The following IARS2 variants were observed in gnomAD, a reference collection of about 807,000 sequenced individuals.
IARS2 encodes isoleucine--tRNA ligase, mitochondrial.
IARS2 carries 56 observed loss-of-function variants against 126.3 expected under a neutral mutation model. The ratio of observed to expected loss-of-function variants is 0.44; its 90% CI spans 0.36 to 0.55. The LOEUF is 0.55. IARS2 is among the 20% of genes least tolerant of loss of function. The pLI is 0.00. For synonymous variants in IARS2, 407 were observed against 441.1 expected (o/e 0.92, Z 0.97); for missense variants, 1,127 against 1,245.9 (o/e 0.90, Z 1.44).
chr1:220,125,192 C>T (rs766451598), intron 12 of IARS2, 45 bp from the exon 13 acceptor site: 2 of 1,100,908 alleles, frequency 1.8e-6, no homozygotes, highest in South Asian at 3.1e-5. Context: ...TGTTATTCAT[C>T]ACAATAGTTA....
chr1:220,102,858 C>T, intron 7 of IARS2, 81 bp downstream of exon 7: 2 of 823,348 alleles, frequency 2.4e-6, no homozygotes, highest in Admixed American at 4.1e-5. Flanking sequence ...TTTATTTTAT[C>T]CTGTTTATTA....
chr1:220,114,477 A>G lies in IARS2; in HGVS notation c.1640+3A>G. On this transcript the variant is annotated splice_donor_region_variant and intron_variant, in intron 12 of 22. Transcript: ENST00000366922. ...AAGGATGAATACTTGATCAACAGGT[A>G]GAATGCTTTCTAAAATTTTTTAGTG... The G allele has an allele frequency of 1.3e-6, 2 of 1,589,118 alleles. No homozygotes were observed. The highest frequency in any genetic ancestry group is 1.7e-6 in the Non-Finnish European group (2 of 1,172,576).
intron 11 of IARS2, among the ~76,000 whole-genome samples, chr1:220,113,283 A>ATG (rs1656848339): frequency 6.6e-6 from 1 of 152,216 alleles, no homozygotes; most frequent in Admixed American, 6.5e-5. Context: ...TAAACCAAGT[A>ATG]TGGTATTAAT....
At chr1:220,099,886 G>C (rs979434684) in intron 2 of IARS2, among the ~76,000 whole-genome samples, 1 of 152,072 alleles carries the variant, frequency 6.6e-6, no homozygotes, top group Non-Finnish European at 1.5e-5. Flanking sequence ...TTAAAGGGGG[G>C]AAGGGATGGG....
At chr1:220,143,563 C>CA (rs1657530561) in intron 21 of IARS2, among the ~76,000 whole-genome samples, 1 of 152,028 alleles carries the variant, frequency 6.6e-6, no homozygotes. Context: ...ATTTAGAAGA[C>CA]AGGGGACATA....
intron 17 of IARS2, 64 bp downstream of exon 17, chr1:220,138,107 G>T: frequency 6.5e-7 from 1 of 1,545,716 alleles, no homozygotes; most frequent in Non-Finnish European, 8.9e-7. Flanking sequence ...TTTAAAAAAT[G>T]AGACACATTT....
In IARS2 at chr1:220,136,861, A is replaced by G; in HGVS notation, c.1999A>G (p.Lys667Glu). 1 of 1,612,460 alleles carries G rather than the reference A, an allele frequency of 6.2e-7. No homozygotes were observed. Among genetic ancestry groups the G allele is most frequent in the Non-Finnish European group, 8.5e-7 (1 of 1,178,708 alleles). The change falls in exon 16 of 23, where the codon AAG becomes GAG. Residue 667 changes from lysine (K) to glutamate (E), a missense_variant. Physicochemically the swap from Lys to Glu is moderately conservative, Grantham distance 56 (BLOSUM62 1). Coordinates refer to ENST00000366922, the MANE Select transcript of IARS2 (RefSeq NM_018060.4). ...TGGAGAAAAGGGAGAAAAGATGTCC[A>G]AGTCTCTTGGGAATGTCATTCATCC... is the stretch of plus-strand genomic sequence containing the variant. ...TLGEKGEKMS[K>E]SLGNVIHPDV...
At chr1:220,138,786 G>C (rs890089893) in intron 17 of IARS2, among the ~76,000 whole-genome samples, 2 of 152,030 alleles carry the variant, frequency 1.3e-5, no homozygotes, top group African/African-American at 4.8e-5. Context: ...TCAGTCGTTA[G>C]GCGTAAAATC....
At chr1:220,095,027 A>C (rs1443474826) in intron 1 of IARS2, among the ~76,000 whole-genome samples, 1 of 151,620 alleles carries the variant, frequency 6.6e-6, no homozygotes, top group Non-Finnish European at 1.5e-5. Context: ...GTTGAAGCCC[A>C]CTTCTTGGAT....
At position 220,125,343 on chromosome 1, in the gene IARS2, A is replaced by G. The variant is rs1436717034; in HGVS notation, c.1743+4A>G. 6.3e-7 allele frequency: 1 copy of G among 1,585,296 alleles called. No homozygotes were observed. Among genetic ancestry groups the G allele is most frequent in the Non-Finnish European group, 8.7e-7 (1 of 1,154,100 alleles). On this transcript the variant is annotated splice_donor_region_variant and intron_variant, in intron 13 of 22. Transcript: ENST00000366922. ...TCCAAAAGAAGTCTTATCTGAGGTA[A>G]ATTTCTGTTTGTATTTAACAGCCTT...
At chr1:220,097,868 G>A (rs1656479668) in intron 2 of IARS2, among the ~76,000 whole-genome samples, 1 of 152,012 alleles carries the variant, frequency 6.6e-6, no homozygotes, top group African/African-American at 2.4e-5. Flanking sequence ...AAAAACAGTG[G>A]CATCTTTTGT....
chr1:220,136,188 G>A (rs1657371605), intron 15 of IARS2, among the ~76,000 whole-genome samples: 1 of 152,184 alleles, frequency 6.6e-6, no homozygotes, highest in African/African-American at 2.4e-5. Flanking sequence ...CTGGAGTGCA[G>A]TGGAACGATC....
intron 3 of IARS2, 108 bp from the exon 4 acceptor site, chr1:220,102,021 C>T: frequency 9.4e-7 from 1 of 1,064,408 alleles, no homozygotes; most frequent in Non-Finnish European, 1.4e-6. Flanking sequence ...AAAAAATTTG[C>T]ATTCTAAACT....
At chr1:220,138,628 A>G (rs545185902) in intron 17 of IARS2, among the ~76,000 whole-genome samples, 1 of 151,986 alleles carries the variant, frequency 6.6e-6, no homozygotes, top group Admixed American at 6.6e-5. Flanking sequence ...GTATACTTTT[A>G]TGTACTCAAT....
intron 15 of IARS2, among the ~76,000 whole-genome samples, chr1:220,136,408 A>G (rs1657375994): frequency 6.6e-6 from 1 of 152,220 alleles, no homozygotes; most frequent in Non-Finnish European, 1.5e-5. Context: ...TTGGGATTAC[A>G]GGCGTGAGCC....
intron 17 of IARS2, among the ~76,000 whole-genome samples, chr1:220,138,728 T>C (rs1415558600): frequency 6.6e-6 from 1 of 152,164 alleles, no homozygotes; most frequent in Non-Finnish European, 1.5e-5. Flanking sequence ...TAAACTGGGC[T>C]ACTGAAAGGT....
chr1:220,104,771 T>G (rs2102819761), intron 8 of IARS2, among the ~76,000 whole-genome samples: 1 of 152,232 alleles, frequency 6.6e-6, no homozygotes, highest in Admixed American at 6.5e-5. Flanking sequence ...TGAGCTCAAG[T>G]GTTCCTCCTG....
Position 220,143,046 on chromosome 1 carries a change from C to A in IARS2, c.2663C>A (p.Ser888Ter), listed in dbSNP as rs1396514918. 2 of 1,614,026 alleles carry A rather than the reference C, an allele frequency of 1.2e-6. No individual in the cohort carries two copies. Among genetic ancestry groups the A allele is most frequent in the African/African-American group, 2.7e-5 (2 of 74,930 alleles). ...GAGAGTGCGTGTGCAATGCGAGACT[C>A]ATTTCTTGGAAGCATCCCTGGCAAA... ...AVESACAMRD[S>*]FLGSIPGKNA... The change falls in exon 21 of 23, where the codon TCA (serine) becomes TAA (stop). Residue 888 changes from serine to a stop codon, truncating the protein, a stop_gained. Transcript: ENST00000366922. LOFTEE classifies it high-confidence loss of function.
chr1:220,131,960 G>C (rs1426199736), intron 14 of IARS2, among the ~76,000 whole-genome samples: 1 of 151,552 alleles, frequency 6.6e-6, no homozygotes, highest in Non-Finnish European at 1.5e-5. Flanking sequence ...ACCATGCCTG[G>C]CTAATTTTTT....
Sources: gnomAD v4.1 joint callset for allele counts (sites outside exome capture counted in the v4.1 genomes callset) on GRCh38, gnomAD v4.1.1 for gene constraint, MANE v1.5 for transcripts, NCBI Gene and HGNC (gene_info 2026-07-23, HGNC 2026-07-21) for gene names.